PPP2R5C: variants seen among roughly 807,000 people sequenced by gnomAD.
PPP2R5C encodes the protein protein phosphatase 2 regulatory subunit B'gamma.
In PPP2R5C, 7 loss-of-function variants were observed where a neutral mutation model predicts 68.9. The observed-to-expected ratio is 0.10, with a 90% CI of 0.06 to 0.19. The LOEUF is 0.19. PPP2R5C is among the 10% of genes least tolerant of loss of function. PPP2R5C has a pLI of 1.00. For synonymous variants in PPP2R5C, 210 were observed against 222.2 expected, an observed-to-expected ratio of 0.95 and a Z score of 0.49; for missense variants, 348 against 641.3, an observed-to-expected ratio of 0.54 and a Z score of 4.94.
intron 11 of PPP2R5C, among the ~76,000 whole-genome samples, chr14:101,912,031 C>T (rs1225629860): frequency 1.3e-5 from 2 of 152,104 alleles, no homozygotes; most frequent in Admixed American, 6.5e-5. Context: ...TTTTACAGTA[C>T]TGGTCCCTTT....
intron 2 of PPP2R5C, among the ~76,000 whole-genome samples, chr14:101,770,029 T>A (rs2037067142): frequency 6.6e-6 from 1 of 152,182 alleles, no homozygotes; most frequent in African/African-American, 2.4e-5. Flanking sequence ...TGTAGGCACC[T>A]GTAACACAAT....
At chr14:101,863,100 G>A (rs565660503) in intron 2 of PPP2R5C, among the ~76,000 whole-genome samples, 43 of 152,222 alleles carry the variant, frequency 2.8e-4, no homozygotes, top group African/African-American at 1.0e-3. Context: ...CTGAGGTCAG[G>A]AGTTCAAGAC....
intron 2 of PPP2R5C, among the ~76,000 whole-genome samples, chr14:101,860,537 T>G (rs2042683457): frequency 6.6e-6 from 1 of 152,218 alleles, no homozygotes; most frequent in African/African-American, 2.4e-5. Context: ...TTTTCGTATC[T>G]CTTGGGCATA....
At chr14:101,876,940 CTTTTTTT>C (rs11318528) in intron 2 of PPP2R5C, among the ~76,000 whole-genome samples, 1 of 90,892 alleles carries the variant, frequency 1.1e-5, no homozygotes, top group African/African-American at 4.9e-5. Flanking sequence ...AGGATTTACG[CTTTTTTT>C]TTTTTTTTTT....
rs538539451 is a variant in PPP2R5C, at chr14:101,866,274, A to G, written c.294+9389A>G. ...TTAGATTAGTTTAAATGGTGATTGG[A>G]AGATTAAAAATACATGGTCTGAAGT... On this transcript the variant is annotated intron_variant, in intron 2 of 13. Transcript: ENST00000334743. Among the ~76,000 whole-genome samples the G allele has an allele frequency of 3.5e-4, 53 of 152,370 alleles. No individual in the cohort carries two copies. In the South Asian group the frequency reaches 0.011, roughly 31 times the overall value.
intron 2 of PPP2R5C, among the ~76,000 whole-genome samples, chr14:101,774,169 A>T (rs986381735): frequency 2.8e-4 from 42 of 152,340 alleles, no homozygotes; most frequent in African/African-American, 8.4e-4. Context: ...ACAGGCAAAG[A>T]TGAGGCACTG....
Position 101,913,753 on chromosome 14 carries a change from C to T in PPP2R5C, c.1326+1280C>T, listed in dbSNP as rs1458151361. ...CCCAGCCCTGCCTGACGCTGCCCTG[C>T]GTGTCTTGCTTTGTTCTGAAGAGCC... On this transcript the variant is annotated intron_variant, in intron 12 of 13. Transcript: ENST00000334743. The surrounding 1 kb of genome is among the most constrained non-coding windows in gnomAD (Gnocchi z 4.1). Among the ~76,000 whole-genome samples, 2 of 152,172 alleles carry T rather than the reference C, an allele frequency of 1.3e-5. No homozygotes were observed. Among genetic ancestry groups the T allele is most frequent in the Non-Finnish European group, 2.9e-5 (2 of 68,038 alleles).
intron 3 of PPP2R5C, among the ~76,000 whole-genome samples, chr14:101,798,923 G>C (rs963381601): frequency 3.3e-5 from 5 of 152,206 alleles, no homozygotes; most frequent in Non-Finnish European, 7.3e-5. Context: ...TGTGTTCAGG[G>C]GAGAGGGAAA....
chr14:101,885,555 G>A (rs963557449), intron 5 of PPP2R5C, among the ~76,000 whole-genome samples: 1 of 152,246 alleles, frequency 6.6e-6, no homozygotes. Flanking sequence ...GCAGTCATAA[G>A]GGTTGCATTC....
At chr14:101,812,399 C>G (rs985392220) in intron 1 of PPP2R5C, among the ~76,000 whole-genome samples, 3 of 152,118 alleles carry the variant, frequency 2.0e-5, no homozygotes, top group South Asian at 2.1e-4. Context: ...CCTGCTCACT[C>G]GGATGGGGTG....
chr14:101,805,892 A>T (rs187216279), upstream of PPP2R5C, among the ~76,000 whole-genome samples: 4 of 152,306 alleles, frequency 2.6e-5, no homozygotes. Context: ...GGTTGCCAGC[A>T]CTGGAAGGAG....
rs373934476 is a variant in PPP2R5C at position 101,898,495 on chromosome 14, A to G, written c.853-3224A>G. ...ATGTTTGTAAAAGTTTTTAATTCCC[A>G]CTAATATAGTAAATAAAGTGAATAT... On this transcript the variant is annotated intron_variant, in intron 8 of 13. Transcript: ENST00000334743. Among the ~76,000 whole-genome samples the G allele has an allele frequency of 2.6e-4, 39 of 152,288 alleles. 1 individual carries two copies. Among genetic ancestry groups the G allele is most frequent in the African/African-American group, 8.7e-4 (36 of 41,548 alleles).
rs1253260178 is a variant in PPP2R5C, at chr14:101,891,981, GAGT to G, written c.690-1018_690-1016del. 1.3e-5 allele frequency among the ~76,000 whole-genome samples: 2 copies of G among 152,166 alleles called. No homozygotes were observed. The highest frequency in any genetic ancestry group is 2.9e-5 in the Non-Finnish European group (2 of 68,028). On this transcript the variant is annotated intron_variant, in intron 6 of 13. Transcript: ENST00000334743. This position sits in a 1 kb window ranked among gnomAD's most constrained non-coding sequence, Gnocchi z 4.9. ...GTTTTTTGTTTTTGTTTTTGAGATA[GAGT>G]CTCGCTCTGTCACCGAGGCTGGAGT...
At chr14:101,852,296 G>C (rs1206828634) in intron 1 of PPP2R5C, among the ~76,000 whole-genome samples, 1 of 152,066 alleles carries the variant, frequency 6.6e-6, no homozygotes, top group Admixed American at 6.5e-5. Context: ...CTCCCTGACT[G>C]TTGGGACCAG....
intron 2 of PPP2R5C, among the ~76,000 whole-genome samples, chr14:101,864,790 A>T (rs1566919642): frequency 6.6e-6 from 1 of 152,250 alleles, no homozygotes; most frequent in East Asian, 1.9e-4. Flanking sequence ...TAGAGTCTGG[A>T]TCCTGGGGAG....
chr14:101,787,684 G>A (rs369891037), intron 3 of PPP2R5C, among the ~76,000 whole-genome samples: 16 of 150,436 alleles, frequency 1.1e-4, no homozygotes, highest in African/African-American at 3.2e-4. Context: ...GGAGAATGGC[G>A]TGAACCCGGG....
intron 5 of PPP2R5C, among the ~76,000 whole-genome samples, chr14:101,885,305 GC>G (rs2044422942): frequency 6.6e-6 from 1 of 152,148 alleles, no homozygotes; most frequent in African/African-American, 2.4e-5. Flanking sequence ...AAAACCCACA[GC>G]CCTGGCCCCT....
At chr14:101,920,602 G>A (rs890706787) in intron 13 of PPP2R5C, among the ~76,000 whole-genome samples, 9 of 152,128 alleles carry the variant, frequency 5.9e-5, no homozygotes, top group East Asian at 1.9e-4. Context: ...CCAGATTAAC[G>A]TGCTCTCCAT....
intron 5 of PPP2R5C, among the ~76,000 whole-genome samples, chr14:101,886,195 G>A (rs1322829914): frequency 6.6e-6 from 1 of 151,930 alleles, no homozygotes; most frequent in Non-Finnish European, 1.5e-5. Flanking sequence ...GCGGGAGAAT[G>A]GCGTGAACCC....
Sources: allele counts gnomAD v4.1 joint callset (sites outside exome capture counted in the v4.1 genomes callset), GRCh38; gene constraint gnomAD v4.1.1; non-coding constraint Gnocchi (gnomAD v3.1); transcripts MANE v1.5; gene names NCBI Gene and HGNC (gene_info 2026-07-23, HGNC 2026-07-21).